Variants in TLR4 observed in about 807,000 individuals in gnomAD.
The protein encoded by TLR4 is toll-like receptor 4.
In TLR4, 17 loss-of-function variants were observed where a neutral mutation model predicts 27.4. The ratio of observed to expected loss-of-function variants is 0.62; its 90% CI spans 0.42 to 0.93. The LOEUF is 0.93. Ranked by LOEUF, TLR4 falls within the 40% of genes least tolerant of loss-of-function variation. TLR4 has a pLI of 0.00. For missense variants in TLR4, 926 were observed against 962.3 expected (o/e 0.96, Z 0.50); for synonymous variants, 363 against 365.7 (o/e 0.99, Z 0.08).
At position 117,721,189 on chromosome 9, in the gene TLR4, A is replaced by T. The variant is rs982901609; in HGVS notation, c.*6541A>T. The T allele has an allele frequency of 2.0e-5, 3 of 152,220 alleles. No homozygotes were observed. The highest frequency in any genetic ancestry group is 7.2e-5 in the African/African-American group (3 of 41,468). The allele number at this position is 152,220 out of a possible 1,614,324, so 9.4% of individuals were successfully genotyped here. A position where few individuals can be genotyped will look rare whatever the true frequency, so the allele number is the denominator to read the frequency against. On this transcript the variant is annotated 3_prime_UTR_variant, in exon 3 of 3. Transcript: ENST00000355622. Reference sequence around the variant, plus strand: ...CTGTTAGCGTAACCATCAACTGAACAGTGTACTTTGTACCTATTAGGTACT... The same window carrying T: ...CTGTTAGCGTAACCATCAACTGAACTGTGTACTTTGTACCTATTAGGTACT...
intron 2 of TLR4, 86 bp from the exon 3 acceptor site, chr9:117,712,303 A>G (rs1045124058): frequency 1.5e-6 from 2 of 1,305,092 alleles, no homozygotes; most frequent in Middle Eastern, 2.4e-4. Context: ...ATCTGTATGA[A>G]GAGCTGGATG....
At chr9:117,709,178 T>C (rs146226723) in intron 2 of TLR4, among the ~76,000 whole-genome samples, 68 of 152,244 alleles carry the variant, frequency 4.5e-4, no homozygotes, top group African/African-American at 1.6e-3. Context: ...TAGTATATAG[T>C]CAACACATTT....
At position 117,722,956 on chromosome 9, in the gene TLR4, A is replaced by G. The variant is rs1258143075; in HGVS notation, c.*8308A>G. The G allele has an allele frequency of 6.6e-6, 1 of 152,154 alleles. No homozygotes were observed. The highest frequency in any genetic ancestry group is 2.4e-5 in the African/African-American group (1 of 41,430). The allele number at this position is 152,154 out of a possible 1,614,324, so 9.4% of individuals were successfully genotyped here. On this transcript the variant is annotated 3_prime_UTR_variant, in exon 3 of 3. Transcript: ENST00000355622. ...AGTTTAAAATGTGGGCCAACTTAGG[A>G]AAAAAACGGGATGAAATGAATTATA... is the stretch of plus-strand genomic sequence containing the variant.
intron 1 of TLR4, among the ~76,000 whole-genome samples, chr9:117,705,419 T>C (rs948118531): frequency 3.3e-5 from 5 of 152,186 alleles, no homozygotes; most frequent in African/African-American, 1.2e-4. Context: ...CAAAGACTAA[T>C]TCATTATCTT....
chr9:117,713,601 C>G lies in TLR4; in HGVS notation c.1473C>G (p.Ile491Met). ...TCCAGGAAAACTTCCTTCCAGATAT[C>G]TTCACAGAGCTGAGAAACTTGACCT... ...NSFQENFLPDIFTELRNLTFL... is the reference protein window; with the variant it reads ...NSFQENFLPDMFTELRNLTFL... The change falls in exon 3 of 3, where the codon ATC (isoleucine) becomes ATG (methionine). Residue 491 changes from isoleucine (I) to methionine (M), a missense_variant. Physicochemically the swap from Ile to Met is conservative, Grantham distance 10 (BLOSUM62 1). Coordinates refer to ENST00000355622, the MANE Select transcript of TLR4 (RefSeq NM_138554.5). 1 of 1,614,086 alleles carries G rather than the reference C, an allele frequency of 6.2e-7. No individual in the cohort carries two copies. Among genetic ancestry groups the G allele is most frequent in the Non-Finnish European group, 8.5e-7 (1 of 1,180,016 alleles).
At chr9:117,704,709 A>G in intron 1 of TLR4, 144 bp downstream of exon 1, 1 of 786,970 alleles carries the variant, frequency 1.3e-6, no homozygotes. Context: ...AGATCAAATA[A>G]TTCATTGTTA....
Position 117,721,803 on chromosome 9 carries a change from T to C in TLR4, c.*7155T>C, listed in dbSNP as rs537839569. 9 of 152,330 alleles carry C rather than the reference T, an allele frequency of 5.9e-5. No homozygotes were observed. Among genetic ancestry groups the C allele is most frequent in the Admixed American group, 5.2e-4 (8 of 15,286 alleles). The allele number at this position is 152,330 out of a possible 1,614,324, so 9.4% of individuals were successfully genotyped here. On this transcript the variant is annotated 3_prime_UTR_variant, in exon 3 of 3. Coordinates refer to ENST00000355622, the MANE Select transcript of TLR4 (RefSeq NM_138554.5). Reference sequence around the variant, plus strand: ...TAACCACCCACATTTAATATGGTTATTGGTTTTGTTCTTGAGATTTATTGC... The same window carrying C: ...TAACCACCCACATTTAATATGGTTACTGGTTTTGTTCTTGAGATTTATTGC...
In TLR4 at chr9:117,708,588, G is replaced by A. The variant is rs779025130; in HGVS notation, c.119G>A (p.Cys40Tyr). 4 of 1,613,816 alleles carry A rather than the reference G, an allele frequency of 2.5e-6. No homozygotes were observed. The change falls in exon 2 of 3, where the codon TGC becomes TAC. Residue 40 changes from cysteine (C) to tyrosine (Y), a missense_variant. Coordinates refer to ENST00000355622, the MANE Select transcript of TLR4 (RefSeq NM_138554.5). ...VEVVPNITYQ[C>Y]MELNFYKIPD... ...GTGGTTCCTAATATTACTTATCAATGCATGGAGCTGAATTTCTACAAAATC... is the reference window on the plus strand; with the variant it reads ...GTGGTTCCTAATATTACTTATCAATACATGGAGCTGAATTTCTACAAAATC...
At chr9:117,710,477 A>G (rs1177347547) in intron 2 of TLR4, among the ~76,000 whole-genome samples, 4 of 150,522 alleles carry the variant, frequency 2.7e-5, no homozygotes, top group Admixed American at 1.3e-4. Flanking sequence ...AACAAGAAGT[A>G]GTTTTTCACC....
chr9:117,714,651 A>T lies in TLR4; in HGVS notation c.*3A>T, dbSNP rs201348682. ...GGCAGGAAGCAACATCTATCTGAAG[A>T]GGAAAAATAAAAACCTCCTGAGGCA... On this transcript the variant is annotated 3_prime_UTR_variant, in exon 3 of 3. Coordinates refer to ENST00000355622, the MANE Select transcript of TLR4 (RefSeq NM_138554.5). 1 of 1,611,930 alleles carries T rather than the reference A, an allele frequency of 6.2e-7. No individual in the cohort carries two copies. The highest frequency in any genetic ancestry group is 1.3e-5 in the African/African-American group (1 of 74,872).
intron 1 of TLR4, 29 bp downstream of exon 1, chr9:117,704,594 C>T (rs771943152): frequency 5.0e-6 from 8 of 1,586,130 alleles, no homozygotes; most frequent in Middle Eastern, 1.7e-4. Flanking sequence ...CTCCTCTGAA[C>T]TTTCCCTCAC....
At chr9:117,707,297 T>G (rs572026373) in intron 1 of TLR4, among the ~76,000 whole-genome samples, 2 of 152,182 alleles carry the variant, frequency 1.3e-5, no homozygotes, top group African/African-American at 4.8e-5. Context: ...CGCATATTAC[T>G]TCATTTCTTT....
At chr9:117,709,406 A>G (rs1829193171) in intron 2 of TLR4, among the ~76,000 whole-genome samples, 1 of 152,174 alleles carries the variant, frequency 6.6e-6, no homozygotes, top group African/African-American at 2.4e-5. Flanking sequence ...AGGAAAAGAC[A>G]AGTAACCCAA....
Position 117,723,615 on chromosome 9 carries a change from A to G in TLR4, c.*8967A>G, listed in dbSNP as rs1443537081. 1.3e-5 allele frequency: 2 copies of G among 152,144 alleles called. No homozygotes were observed. The highest frequency in any genetic ancestry group is 2.9e-5 in the Non-Finnish European group (2 of 68,020). 9.4% of individuals were successfully genotyped at this position (152,144 alleles called of 1,614,324 possible). On this transcript the variant is annotated 3_prime_UTR_variant, in exon 3 of 3. Transcript: ENST00000355622. ...ATGATAACAGATTGAAAACTCCTCC[A>G]AGGAGGAGTTTCTCTTTTGCCCCAT...
rs373003429 is a variant in TLR4, at chr9:117,713,816, A to T, written c.1688A>T (p.Glu563Val). The change falls in exon 3 of 3, where the codon GAA becomes GTA. Residue 563 changes from glutamate (E) to valine (V), a missense_variant. Glu to Val is a moderately radical substitution (Grantham distance 121). Transcript: ENST00000355622. Reference protein sequence around the residue: ...LNHIMTSKKQELQHFPSSLAF... With the variant: ...LNHIMTSKKQVLQHFPSSLAF... ...CACATAATGACTTCCAAAAAACAGGAACTACAGCATTTTCCAAGTAGTCTA... is the reference window on the plus strand; with the variant it reads ...CACATAATGACTTCCAAAAAACAGGTACTACAGCATTTTCCAAGTAGTCTA... The T allele has an allele frequency of 1.9e-6, 3 of 1,614,010 alleles. No homozygotes were observed. The Admixed American group carries it at 5.0e-5, about 27-fold the overall frequency.
Position 117,716,439 on chromosome 9 carries a change from T to C in TLR4, c.*1791T>C, listed in dbSNP as rs142630261. ...ACATGAATAAACCCGGAGGCCATTA[T>C]GCTATGTAAAATGAGCAAGTAACAG... On this transcript the variant is annotated 3_prime_UTR_variant, in exon 3 of 3. Transcript: ENST00000355622. 1.8e-4 allele frequency: 28 copies of C among 152,356 alleles called. No homozygotes were observed. The highest frequency in any genetic ancestry group is 5.8e-4 in the African/African-American group (24 of 41,584). The allele number at this position is 152,356 out of a possible 1,614,324, so 9.4% of individuals were successfully genotyped here.
rs772783306 is a variant in TLR4 at position 117,708,662 on chromosome 9, C to G, written c.193C>G (p.Pro65Ala). Reference protein sequence around the residue: ...STKNLDLSFNPLRHLGSYSFF... With the variant: ...STKNLDLSFNALRHLGSYSFF... ...CAAGAACCTGGACCTGAGCTTTAAT[C>G]CCCTGAGGCATTTAGGCAGCTATAG... The change falls in exon 2 of 3, where the codon CCC becomes GCC. Residue 65 changes from proline (P) to alanine (A), a missense_variant. Physicochemically the swap from Pro to Ala is conservative, Grantham distance 27. Transcript: ENST00000355622. The G allele has an allele frequency of 2.5e-6, 4 of 1,613,970 alleles. No individual in the cohort carries two copies. The highest frequency in any genetic ancestry group is 4.5e-5 in the East Asian group (2 of 44,870).
chr9:117,704,737 C>T (rs1444951542), intron 1 of TLR4, among the ~76,000 whole-genome samples, 172 bp downstream of exon 1: 2 of 151,794 alleles, frequency 1.3e-5, no homozygotes, highest in Non-Finnish European at 2.9e-5. Context: ...CTAGAGGCAG[C>T]CATTGGGGGT....
chr9:117,708,242 G>T, intron 1 of TLR4: 1 of 1,116,422 alleles, frequency 9.0e-7, no homozygotes, highest in South Asian at 2.5e-5. Context: ...GAAACCCAGA[G>T]CTTTCAGACT....
Sources: gnomAD v4.1 joint callset for allele counts (sites outside exome capture counted in the v4.1 genomes callset) on GRCh38, gnomAD v4.1.1 for gene constraint, MANE v1.5 for transcripts, NCBI Gene and HGNC (gene_info 2026-07-23, HGNC 2026-07-21) for gene names.